Variants in UBE2Q2 observed in about 807,000 individuals in gnomAD.
UBE2Q2 encodes the protein ubiquitin conjugating enzyme E2 Q2.
In UBE2Q2, 54 loss-of-function variants were observed where a neutral mutation model predicts 59.9. The observed-to-expected ratio is 0.90, with a 90% CI of 0.72 to 1.13. The LOEUF (loss-of-function observed/expected upper bound fraction) is 1.13. Ranked by LOEUF, UBE2Q2 falls within the 50% of genes most tolerant of loss-of-function variation. The probability of loss-of-function intolerance (pLI) is 0.00; values close to 1 mark genes in which losing one functional copy is unlikely to be tolerated. For missense variants in UBE2Q2, 433 were observed against 441.9 expected (o/e 0.98, Z 0.18); for synonymous variants, 165 against 155.2 (o/e 1.06, Z -0.47).
At chr15:75,881,147 C>A (rs1360422526) in intron 8 of UBE2Q2, among the ~76,000 whole-genome samples, 1 of 151,594 alleles carries the variant, frequency 6.6e-6, no homozygotes, top group Non-Finnish European at 1.5e-5. Flanking sequence ...AAACAAAAAA[C>A]AAAACACACA....
intron 4 of UBE2Q2, among the ~76,000 whole-genome samples, chr15:75,870,979 G>T (rs1168479598): frequency 6.6e-6 from 1 of 152,168 alleles, no homozygotes. Context: ...GGAAACCAGC[G>T]TTCAGCATAT....
chr15:75,887,566 C>CTTT (rs754466511), intron 9 of UBE2Q2, among the ~76,000 whole-genome samples: 3,643 of 143,682 alleles, frequency 0.025, 181 homozygotes, highest in African/African-American at 0.089. Context: ...GGCCACAGAT[C>CTTT]TTTTTTTTTT....
At chr15:75,856,246 C>CGTGTGTGTGTGTGTGTGTGTGT (rs370925975) in intron 2 of UBE2Q2, among the ~76,000 whole-genome samples, 4 of 135,686 alleles carry the variant, frequency 2.9e-5, no homozygotes, top group African/African-American at 1.2e-4. Context: ...TGTGTATATA[C>CGTGTGTGTGTGTGTGTGTGTGT]GTGTGTGTGT....
intron 9 of UBE2Q2, among the ~76,000 whole-genome samples, chr15:75,884,637 A>G (rs1031574387): frequency 3.9e-5 from 6 of 152,150 alleles, no homozygotes; most frequent in Admixed American, 2.0e-4. Context: ...GTTCTGCCAC[A>G]TGGTAAAGCA....
At chr15:75,883,049 T>C (rs1699534169) in intron 8 of UBE2Q2, among the ~76,000 whole-genome samples, 1 of 152,238 alleles carries the variant, frequency 6.6e-6, no homozygotes, top group South Asian at 2.1e-4. Flanking sequence ...TTCACCTTTC[T>C]AGTTCTCAGT....
chr15:75,893,701 A>T (rs773154769), intron 11 of UBE2Q2, among the ~76,000 whole-genome samples: 1 of 152,170 alleles, frequency 6.6e-6, no homozygotes, highest in Non-Finnish European at 1.5e-5. Context: ...ATTTAAAAAC[A>T]GTTGGTACCA....
intron 1 of UBE2Q2, among the ~76,000 whole-genome samples, chr15:75,849,471 A>G (rs1246843197): frequency 6.6e-6 from 1 of 152,240 alleles, no homozygotes; most frequent in Non-Finnish European, 1.5e-5. Flanking sequence ...ATAGAGCCAC[A>G]CAATGGTCTC....
Position 75,891,004 on chromosome 15 carries a change from G to A in UBE2Q2, c.1019G>A (p.Gly340Glu). ...AAAGGCAAAGCCAGAGTGCAGTTTG[G>A]AGCAAATAAGGTACTTCTGTTAAGA... is the stretch of plus-strand genomic sequence containing the variant. The part of the protein sequence containing the change: ...LVKGKARVQF[G>E]ANKNQYNLAR... The change falls in exon 11 of 13, where the codon GGA (glycine) becomes GAA (glutamate). Residue 340 changes from glycine (G) to glutamate (E), a missense_variant. By Grantham distance (98) the Gly-to-Glu change is moderately conservative. Transcript: ENST00000267938. 1 of 1,611,488 alleles carries A rather than the reference G, an allele frequency of 6.2e-7. No homozygotes were observed. Among genetic ancestry groups the A allele is most frequent in the Non-Finnish European group, 8.5e-7 (1 of 1,179,416 alleles).
intron 8 of UBE2Q2, 131 bp downstream of exon 8, chr15:75,879,319 C>T (rs2141636606): frequency 1.9e-6 from 1 of 531,952 alleles, no homozygotes; most frequent in Non-Finnish European, 3.3e-6. Flanking sequence ...TAGACATATT[C>T]TCCGTTAAGA....
In UBE2Q2 at chr15:75,868,963, G is replaced by T. The variant is rs1249787984; in HGVS notation, c.400G>T (p.Glu134Ter). 6.2e-7 allele frequency: 1 copy of T among 1,612,902 alleles called. No individual in the cohort carries two copies. Among genetic ancestry groups the T allele is most frequent in the Admixed American group, 1.7e-5 (1 of 59,998 alleles). ...TTCTCTGTTTCAGAATGGGACAACAGAAGAAGTGACTTCAGAAGAAGAGGA... is the reference window on the plus strand; with the variant it reads ...TTCTCTGTTTCAGAATGGGACAACATAAGAAGTGACTTCAGAAGAAGAGGA... ...PLPTGQNGTTEEVTSEEEEEE... is the reference protein window; with the variant it reads ...PLPTGQNGTT Residue 134 changes from glutamate (E) to a stop codon, truncating the protein, a stop_gained, in exon 4 of 13, where the codon GAA (glutamate) becomes TAA (stop). Coordinates refer to ENST00000267938, the MANE Select transcript of UBE2Q2 (RefSeq NM_173469.4). LOFTEE classifies it high-confidence loss of function.
chr15:75,863,262 T>G (rs753032204), intron 3 of UBE2Q2, among the ~76,000 whole-genome samples: 1 of 152,160 alleles, frequency 6.6e-6, no homozygotes, highest in Admixed American at 6.5e-5. Flanking sequence ...CTCCATTAAT[T>G]AACTATTTTC....
chr15:75,868,894 A>G lies in UBE2Q2; in HGVS notation c.388-57A>G, dbSNP rs115137809. 810 of 1,509,790 alleles carry G rather than the reference A, an allele frequency of 5.4e-4. 3 individuals are homozygous for G. The African/African-American group carries it at 9.6e-3, about 18-fold the overall frequency. 93.5% of individuals were successfully genotyped at this position (1,509,790 alleles called of 1,614,324 possible). A position where few individuals can be genotyped will look rare whatever the true frequency, so the allele number is the denominator to read the frequency against. ...GTTTGTGGCACCAGTCTTCTAATGT[A>G]CTCAGCCTGTGCATATTTGTTCTGT... On this transcript the variant is annotated intron_variant, in intron 3 of 12. Transcript: ENST00000267938.
At chr15:75,857,300 C>T (rs1004670910) in intron 2 of UBE2Q2, among the ~76,000 whole-genome samples, 2 of 152,054 alleles carry the variant, frequency 1.3e-5, no homozygotes, top group East Asian at 1.9e-4. Flanking sequence ...CTAAAGATAA[C>T]GGTTTTGTAA....
intron 9 of UBE2Q2, among the ~76,000 whole-genome samples, chr15:75,886,268 C>T (rs776504703): frequency 3.3e-5 from 5 of 151,920 alleles, no homozygotes; most frequent in Non-Finnish European, 5.9e-5. Context: ...TATAGGCATG[C>T]GCCACCATGC....
At position 75,876,169 on chromosome 15, in the gene UBE2Q2, G is replaced by T; in HGVS notation, c.589-18G>T. 1 of 1,612,550 alleles carries T rather than the reference G, an allele frequency of 6.2e-7. No homozygotes were observed. Among genetic ancestry groups the T allele is most frequent in the Non-Finnish European group, 8.5e-7 (1 of 1,179,216 alleles). Reference sequence around the variant, plus strand: ...TTAGCTCAGCAGACCCTGGTAAACAGTGGCTTTTGTGTTTCAGGGTGCAGT... The same window carrying T: ...TTAGCTCAGCAGACCCTGGTAAACATTGGCTTTTGTGTTTCAGGGTGCAGT... On this transcript the variant is annotated intron_variant, in intron 5 of 12. Coordinates refer to ENST00000267938, the MANE Select transcript of UBE2Q2 (RefSeq NM_173469.4).
intron 3 of UBE2Q2, among the ~76,000 whole-genome samples, chr15:75,862,403 C>T (rs1595867349): frequency 6.7e-6 from 1 of 149,136 alleles, no homozygotes; most frequent in African/African-American, 2.5e-5. Context: ...AAATTTTTTT[C>T]TTAGTTTATT....
chr15:75,862,814 C>CAAAAAAA (rs71140182), intron 3 of UBE2Q2, among the ~76,000 whole-genome samples: 1 of 53,920 alleles, frequency 1.9e-5, no homozygotes, highest in African/African-American at 7.0e-5. Flanking sequence ...AACCCTATCT[C>CAAAAAAA]AAAAAAAAAA....
intron 9 of UBE2Q2, among the ~76,000 whole-genome samples, chr15:75,887,934 T>G (rs1211700275): frequency 2.0e-5 from 3 of 152,234 alleles, no homozygotes; most frequent in Non-Finnish European, 4.4e-5. Flanking sequence ...AAGTAAAAGC[T>G]TGCCATCTCA....
intron 4 of UBE2Q2, among the ~76,000 whole-genome samples, chr15:75,871,411 C>T (rs1244887750): frequency 6.6e-6 from 1 of 152,184 alleles, no homozygotes; most frequent in African/African-American, 2.4e-5. Flanking sequence ...TTACGGGTGT[C>T]AGGCTGGGGG....
Sources: gnomAD v4.1 joint callset for allele counts (sites outside exome capture counted in the v4.1 genomes callset) on GRCh38, gnomAD v4.1.1 for gene constraint, MANE v1.5 for transcripts, NCBI Gene and HGNC (gene_info 2026-07-23, HGNC 2026-07-21) for gene names.